FAM153A: variants seen among roughly 807,000 people sequenced by gnomAD.
The protein encoded by FAM153A is family with sequence similarity 153 member A.
Under a neutral mutation model 48.1 loss-of-function variants are expected in FAM153A, and 12 were observed. The observed-to-expected ratio is 0.25, with a 90% CI of 0.16 to 0.40. FAM153A has a LOEUF of 0.40. Ranked by LOEUF, FAM153A falls within the 10% of genes least tolerant of loss-of-function variation. FAM153A has a pLI of 1.00. For synonymous variants in FAM153A, 36 were observed against 118.2 expected (o/e 0.30, Z 4.51); for missense variants, 111 against 345.8 (o/e 0.32, Z 5.38).
At position 177,753,175 on chromosome 5, in the gene FAM153A, C is replaced by A; in HGVS notation, c.31+1G>T. 6.2e-7 allele frequency: 1 copy of A among 1,611,598 alleles called. No individual in the cohort carries two copies. The highest frequency in any genetic ancestry group is 1.1e-5 in the South Asian group (1 of 90,654). On this transcript the variant is annotated splice_donor_variant, in intron 1 of 20. Transcript: ENST00000614127. LOFTEE classifies it high-confidence loss of function. ...CAGAAGATGGAAATGAACATACATA[C>A]CTTCAAGGCAACAACTATAAACACA... is the stretch of plus-strand genomic sequence containing the variant.
downstream of FAM153A, among the ~76,000 whole-genome samples, chr5:177,709,506 C>T (rs1359775379): frequency 4.0e-5 from 6 of 148,824 alleles, no homozygotes; most frequent in African/African-American, 1.2e-4. Flanking sequence ...GGATTACAGG[C>T]GCCCGCCACT....
chr5:177,707,647 A>C (rs188791485), downstream of FAM153A, among the ~76,000 whole-genome samples: 20 of 151,580 alleles, frequency 1.3e-4, no homozygotes, highest in East Asian at 3.9e-3. Context: ...ACGGAGTCTT[A>C]CTCTGCCACC....
intron 1 of FAM153A, among the ~76,000 whole-genome samples, chr5:177,765,847 G>A (rs1435419975): frequency 3.3e-5 from 4 of 121,848 alleles, no homozygotes; most frequent in African/African-American, 8.5e-5. Flanking sequence ...CAAACCGGGC[G>A]TCGTGGCTCT....
At chr5:177,701,987 A>G in the FAM153A span, among the ~76,000 whole-genome samples, 2 of 151,242 alleles carry the variant, frequency 1.3e-5, no homozygotes, top group Non-Finnish European at 2.9e-5. Context: ...GGCTCACTGC[A>G]AGCTCCGCCT....
chr5:177,737,345 T>C lies in FAM153A; in HGVS notation c.563-233A>G, dbSNP rs182116431. Among the ~76,000 whole-genome samples the C allele has an allele frequency of 6.2e-3, 944 of 151,614 alleles. 24 individuals carry two copies. The highest frequency in any genetic ancestry group is 0.022 in the African/African-American group (911 of 41,018). Reference sequence around the variant, plus strand: ...TCTAGCTAAGGCAACCTCTTTGAGATGAAGTAACCCATCTCAAACAGGGCA... The same window carrying C: ...TCTAGCTAAGGCAACCTCTTTGAGACGAAGTAACCCATCTCAAACAGGGCA... On this transcript the variant is annotated intron_variant, in intron 10 of 20. Transcript: ENST00000614127.
chr5:177,743,463 G>C (rs1280286121), intron 6 of FAM153A, among the ~76,000 whole-genome samples: 21 of 108,148 alleles, frequency 1.9e-4, no homozygotes, highest in African/African-American at 4.3e-4. Context: ...CTGAGGGATA[G>C]AAGGCTGAAA....
chr5:177,703,621 T>C (rs1757642066), downstream of FAM153A, among the ~76,000 whole-genome samples: 2 of 143,278 alleles, frequency 1.4e-5, no homozygotes, highest in Non-Finnish European at 3.0e-5. Flanking sequence ...TGGGGGGTGA[T>C]TGGACCATGG....
At chr5:177,757,677 G>A (rs1278093382), upstream of FAM153A, among the ~76,000 whole-genome samples, 383 of 151,184 alleles carry the variant, frequency 2.5e-3, no homozygotes, top group African/African-American at 8.7e-3. Flanking sequence ...TTCAACATAC[G>A]CAAATCAATA....
chr5:177,752,963 CAG>C (rs202084722), intron 1 of FAM153A, among the ~76,000 whole-genome samples: 5,900 of 141,528 alleles, frequency 0.042, 269 homozygotes, highest in African/African-American at 0.13. Context: ...GCATTGGAAA[CAG>C]TGTATTTTCT....
At chr5:177,752,638 A>AAAAAAG (rs1554153712) in intron 1 of FAM153A, among the ~76,000 whole-genome samples, 541 of 96,864 alleles carry the variant, frequency 5.6e-3, no homozygotes, top group African/African-American at 0.011. Context: ...AAAAAAAAAA[A>AAAAAAG]AAAAGAAAAG....
intron 1 of FAM153A, among the ~76,000 whole-genome samples, chr5:177,765,933 A>C (rs1348421671): frequency 2.8e-5 from 3 of 107,930 alleles, no homozygotes; most frequent in East Asian, 6.8e-4. Context: ...CGTGGCCAAG[A>C]TGCTGAAACC....
At chr5:177,697,051 A>G in the FAM153A span, among the ~76,000 whole-genome samples, 1 of 151,908 alleles carries the variant, frequency 6.6e-6, no homozygotes, top group East Asian at 1.9e-4. Flanking sequence ...CATCTTAACA[A>G]GATTGAGTTT....
chr5:177,697,491 G>A, the FAM153A span, among the ~76,000 whole-genome samples: 1 of 151,496 alleles, frequency 6.6e-6, no homozygotes, highest in African/African-American at 2.4e-5. Flanking sequence ...CTGCAGCTGA[G>A]GCAGAGTCAG....
chr5:177,697,829 A>C, the FAM153A span, among the ~76,000 whole-genome samples: 1 of 151,458 alleles, frequency 6.6e-6, no homozygotes, highest in African/African-American at 2.4e-5. Flanking sequence ...CTTGTTCCTG[A>C]CTATTTTCTG....
chr5:177,781,264 A>ATTTTTTTTTT (rs1303137176), upstream of FAM153A, among the ~76,000 whole-genome samples: 105 of 75,272 alleles, frequency 1.4e-3, no homozygotes, highest in East Asian at 2.2e-3. Context: ...ACGCCCGGCT[A>ATTTTTTTTTT]TTTTTTTTTT....
chr5:177,706,265 C>T (rs1251864556), downstream of FAM153A, among the ~76,000 whole-genome samples: 13 of 151,718 alleles, frequency 8.6e-5, no homozygotes, highest in Non-Finnish European at 4.4e-5. Flanking sequence ...GGCGCAGTCT[C>T]GGCTCACTGC....
chr5:177,723,416 CA>C (rs1223818486), exon 21 of FAM153A: 1 of 143,028 alleles, frequency 7.0e-6, no homozygotes, highest in Non-Finnish European at 1.5e-5. Flanking sequence ...CTCGCTAAAT[CA>C]TGTCCTCAAA....
the FAM153A span, among the ~76,000 whole-genome samples, chr5:177,700,004 T>C: frequency 6.6e-6 from 1 of 152,012 alleles, no homozygotes; most frequent in African/African-American, 2.4e-5. Context: ...AGGGATGATA[T>C]ATCATGACCA....
downstream of FAM153A, among the ~76,000 whole-genome samples, chr5:177,710,902 G>A (rs1238334982): frequency 2.0e-5 from 3 of 151,096 alleles, no homozygotes; most frequent in Admixed American, 6.6e-5. Flanking sequence ...CACCCTCCTC[G>A]GCCTCCCAAA....
Sources: allele counts gnomAD v4.1 joint callset (sites outside exome capture counted in the v4.1 genomes callset), GRCh38; gene constraint gnomAD v4.1.1; transcripts MANE v1.5; gene names NCBI Gene and HGNC (gene_info 2026-07-23, HGNC 2026-07-21).